Variants in SUPT3H observed in about 807,000 individuals in gnomAD.
The protein encoded by SUPT3H is SPT3 homolog, SAGA and STAGA complex component.
SUPT3H carries 44 observed loss-of-function variants against 44.3 expected under a neutral mutation model. The ratio of observed to expected loss-of-function variants is 0.99; its 90% confidence interval spans 0.78 to 1.28. SUPT3H has a LOEUF of 1.28. Among genes scored for constraint, SUPT3H ranks in the 50% most tolerant of loss-of-function variants. The probability of loss-of-function intolerance (pLI) is 0.00; values close to 1 mark genes in which losing one functional copy is unlikely to be tolerated. For missense variants in SUPT3H, 380 were observed against 387.1 expected (o/e 0.98, Z 0.15); for synonymous variants, 124 against 125.6 (o/e 0.99, Z 0.09).
intron 3 of SUPT3H, among the ~76,000 whole-genome samples, chr6:45,079,507 AG>A (rs1442714126): frequency 6.6e-6 from 1 of 152,056 alleles, no homozygotes; most frequent in Non-Finnish European, 1.5e-5. Flanking sequence ...AAAGGAAGGA[AG>A]GAAAAAAACC....
chr6:45,287,859 C>T (rs944110041), intron 2 of SUPT3H, among the ~76,000 whole-genome samples: 2 of 152,086 alleles, frequency 1.3e-5, no homozygotes, highest in Non-Finnish European at 2.9e-5. Context: ...CAGACTTATC[C>T]TAAAAATTAC....
intron 2 of SUPT3H, among the ~76,000 whole-genome samples, chr6:45,342,506 G>A (rs1317398379): frequency 1.3e-5 from 2 of 152,010 alleles, no homozygotes; most frequent in Admixed American, 6.6e-5. Flanking sequence ...TAATCCACCC[G>A]CCTTGGCCTC....
At chr6:45,304,751 A>AT (rs111943851) in intron 2 of SUPT3H, among the ~76,000 whole-genome samples, 149,196 of 152,296 alleles carry the variant, frequency 0.98, 73,091 homozygotes, top group Middle Eastern at 1. Context: ...CAAAGTAACC[A>AT]TTTAATGGGT....
At chr6:45,047,379 A>T (rs1027033624) in intron 3 of SUPT3H, among the ~76,000 whole-genome samples, 2 of 152,164 alleles carry the variant, frequency 1.3e-5, no homozygotes, top group Non-Finnish European at 1.5e-5. Flanking sequence ...TATGTATTAG[A>T]GCACTGAACA....
At chr6:44,926,745 C>T (rs1175239278) in intron 10 of SUPT3H, among the ~76,000 whole-genome samples, 1 of 152,060 alleles carries the variant, frequency 6.6e-6, no homozygotes, top group East Asian at 1.9e-4. Flanking sequence ...TTGTTAAGGT[C>T]GTCATGAGGC....
At chr6:44,818,479 T>C (rs1164550141) in intron 11 of SUPT3H, among the ~76,000 whole-genome samples, 1 of 152,134 alleles carries the variant, frequency 6.6e-6, no homozygotes, top group Admixed American at 6.5e-5. Flanking sequence ...TTTGACTTAT[T>C]CAAAATTAAA....
chr6:44,984,742 C>A (rs759166761), intron 6 of SUPT3H, among the ~76,000 whole-genome samples: 1 of 152,236 alleles, frequency 6.6e-6, no homozygotes, highest in Non-Finnish European at 1.5e-5. Context: ...ACTAGTAGCA[C>A]ACTTAATTAA....
intron 11 of SUPT3H, among the ~76,000 whole-genome samples, chr6:44,819,663 G>A (rs1304776449): frequency 6.6e-6 from 1 of 151,868 alleles, no homozygotes; most frequent in South Asian, 2.1e-4. Flanking sequence ...ATGGTGGCAT[G>A]TGCTTTGTAG....
intron 10 of SUPT3H, among the ~76,000 whole-genome samples, chr6:44,900,022 T>C (rs975706992): frequency 6.6e-5 from 10 of 152,180 alleles, no homozygotes; most frequent in African/African-American, 2.4e-4. Flanking sequence ...TTTCTCAAAT[T>C]AGAAAACTAT....
chr6:45,344,678 G>A (rs577951623), intron 2 of SUPT3H, among the ~76,000 whole-genome samples: 1 of 152,154 alleles, frequency 6.6e-6, no homozygotes, highest in Non-Finnish European at 1.5e-5. Flanking sequence ...TTTAGGTAAA[G>A]TGTATAAACT....
At chr6:45,286,627 C>G (rs1002795962) in intron 2 of SUPT3H, among the ~76,000 whole-genome samples, 2 of 152,150 alleles carry the variant, frequency 1.3e-5, no homozygotes, top group Non-Finnish European at 2.9e-5. Context: ...AATAGGAACA[C>G]TTTTACACTG....
intron 2 of SUPT3H, among the ~76,000 whole-genome samples, chr6:45,154,973 G>T (rs920555616): frequency 1.6e-4 from 24 of 152,040 alleles, no homozygotes; most frequent in African/African-American, 5.8e-4. Flanking sequence ...CGTGGAGAAG[G>T]TAGTGTTTGA....
chr6:45,152,605 C>T (rs541815088), intron 2 of SUPT3H, among the ~76,000 whole-genome samples: 1 of 152,254 alleles, frequency 6.6e-6, no homozygotes, highest in South Asian at 2.1e-4. Flanking sequence ...GATTCTCGTG[C>T]CTCAGCCTCC....
rs531466386 is a variant in SUPT3H at position 45,297,944 on chromosome 6, G to C, written c.101+67257C>G. On this transcript the variant is annotated intron_variant, in intron 2 of 10. Transcript: ENST00000371459. ...TAAAAAGATTATTATGCCTACTTTA[G>C]AGATAAAAAAGCATAAAAACACAGA... is the stretch of plus-strand genomic sequence containing the variant. Among the ~76,000 whole-genome samples the C allele has an allele frequency of 1.2e-4, 18 of 152,192 alleles. 1 individual carries two copies. In the South Asian group the frequency reaches 3.5e-3, roughly 30 times the overall value.
intron 2 of SUPT3H, among the ~76,000 whole-genome samples, chr6:45,338,061 A>G (rs1223260627): frequency 6.6e-6 from 1 of 152,080 alleles, no homozygotes; most frequent in East Asian, 1.9e-4. Flanking sequence ...TCTTTATTGA[A>G]TAAACTTAAG....
intron 2 of SUPT3H, among the ~76,000 whole-genome samples, chr6:45,181,170 C>T: frequency 8.0e-6 from 1 of 125,730 alleles, no homozygotes; most frequent in Non-Finnish European, 1.7e-5. Flanking sequence ...AATGAGATAC[C>T]ATCTCACACC....
intron 3 of SUPT3H, among the ~76,000 whole-genome samples, chr6:45,064,631 G>C (rs1472453218): frequency 7.3e-5 from 10 of 136,690 alleles, no homozygotes; most frequent in African/African-American, 2.8e-4. Context: ...CAAGCAAATG[G>C]AAAACAAAAA....
intron 3 of SUPT3H, among the ~76,000 whole-genome samples, chr6:45,062,450 G>A (rs1047470074): frequency 6.6e-6 from 1 of 151,472 alleles, no homozygotes; most frequent in Non-Finnish European, 1.5e-5. Flanking sequence ...CACTGTAGGG[G>A]TGAGGAGCCA....
intron 2 of SUPT3H, among the ~76,000 whole-genome samples, chr6:45,338,942 T>C (rs1056622586): frequency 6.6e-6 from 1 of 151,980 alleles, no homozygotes; most frequent in Non-Finnish European, 1.5e-5. Context: ...TGAAGACACA[T>C]AAGTATAAAC....
Sources: gnomAD v4.1 joint callset for allele counts (sites outside exome capture counted in the v4.1 genomes callset) on GRCh38, gnomAD v4.1.1 for gene constraint, MANE v1.5 for transcripts, NCBI Gene and HGNC (gene_info 2026-07-23, HGNC 2026-07-21) for gene names.